Variants in CADPS observed in about 807,000 individuals in gnomAD.
The protein encoded by CADPS is calcium-dependent secretion activator 1.
CADPS carries 57 observed loss-of-function variants against 167.3 expected under a neutral mutation model. The ratio of observed to expected loss-of-function variants is 0.34; its 90% CI spans 0.28 to 0.42. The LOEUF (loss-of-function observed/expected upper bound fraction) is 0.42. Ranked by LOEUF, CADPS falls within the 20% of genes least tolerant of loss-of-function variation. The pLI, the probability that CADPS is intolerant of heterozygous loss-of-function variation, is 1.00. For synonymous variants in CADPS, 676 were observed against 635.3 expected (o/e 1.06, Z -0.96); for missense variants, 1,414 against 1,738.1 (o/e 0.81, Z 3.32).
intron 28 of CADPS, among the ~76,000 whole-genome samples, chr3:62,413,920 A>AGT (rs576600587): frequency 4.7e-4 from 72 of 152,248 alleles, no homozygotes; most frequent in South Asian, 8.3e-4. Flanking sequence ...TTGTAAGATG[A>AGT]GTGTAGTCAT....
chr3:62,647,492 C>G (rs551400152), intron 5 of CADPS, among the ~76,000 whole-genome samples: 1 of 152,274 alleles, frequency 6.6e-6, no homozygotes, highest in South Asian at 2.1e-4. Flanking sequence ...GCCATACTTT[C>G]AAAACCATTG....
At chr3:62,864,432 A>G (rs1344089423) in intron 1 of CADPS, among the ~76,000 whole-genome samples, 2 of 152,210 alleles carry the variant, frequency 1.3e-5, no homozygotes, top group Non-Finnish European at 2.9e-5. Context: ...TAGCTTGAGC[A>G]ACAGATATTG....
chr3:62,853,584 C>T (rs1348386289), intron 1 of CADPS, among the ~76,000 whole-genome samples: 1 of 146,556 alleles, frequency 6.8e-6, no homozygotes, highest in Non-Finnish European at 1.5e-5. Context: ...CGCATCGTGT[C>T]ATTGCACTCC....
At chr3:62,491,671 T>A (rs2063762337) in intron 20 of CADPS, among the ~76,000 whole-genome samples, 191 bp from the exon 21 acceptor site, 1 of 151,984 alleles carries the variant, frequency 6.6e-6, no homozygotes, top group African/African-American at 2.4e-5. Context: ...TAAAAAGCAT[T>A]GAAATGGAAT....
chr3:62,828,129 G>T (rs1231642455), intron 1 of CADPS, among the ~76,000 whole-genome samples: 2 of 152,134 alleles, frequency 1.3e-5, no homozygotes, highest in African/African-American at 4.8e-5. Flanking sequence ...GCTCTGCCCA[G>T]TCATGGTCAT....
chr3:62,796,810 A>T (rs1391798240), intron 1 of CADPS, among the ~76,000 whole-genome samples: 2 of 152,188 alleles, frequency 1.3e-5, no homozygotes, highest in East Asian at 3.8e-4. Flanking sequence ...AGAGGAAAAA[A>T]ATTGAATAAT....
chr3:62,725,557 A>ACGTC (rs2076581686), intron 3 of CADPS, among the ~76,000 whole-genome samples: 2 of 152,088 alleles, frequency 1.3e-5, no homozygotes, highest in African/African-American at 4.8e-5. Context: ...TCAACCATTG[A>ACGTC]AGCAAGAATG....
At chr3:62,632,455 C>T (rs2065464793) in intron 6 of CADPS, among the ~76,000 whole-genome samples, 1 of 152,078 alleles carries the variant, frequency 6.6e-6, no homozygotes, top group Admixed American at 6.6e-5. Flanking sequence ...ATGCATTTTT[C>T]CTCCAGACTT....
intron 3 of CADPS, among the ~76,000 whole-genome samples, chr3:62,740,807 A>G (rs1408130815): frequency 1.3e-5 from 2 of 152,146 alleles, no homozygotes; most frequent in Non-Finnish European, 2.9e-5. Flanking sequence ...TTTCTATCTG[A>G]TAGTTATTAA....
Position 62,656,398 on chromosome 3 carries a change from A to AT in CADPS, c.970-5319dup, listed in dbSNP as rs36081937. Among the ~76,000 whole-genome samples the AT allele has an allele frequency of 3.6e-4, 55 of 152,228 alleles. 1 individual carries two copies. The East Asian group carries it at 5.6e-3, about 15-fold the overall frequency. On this transcript the variant is annotated intron_variant, in intron 4 of 29. Coordinates refer to ENST00000383710, the MANE Select transcript of CADPS (RefSeq NM_003716.4). ...GATGCACATGCTTCTATTTATCCCT[A>AT]TTTTTTGGAAGAAAATGAGGCAGAA... is the stretch of plus-strand genomic sequence containing the variant.
chr3:62,836,708 C>G (rs1342840906), intron 1 of CADPS, among the ~76,000 whole-genome samples: 1 of 152,088 alleles, frequency 6.6e-6, no homozygotes, highest in Non-Finnish European at 1.5e-5. Flanking sequence ...CTGTACCATG[C>G]CTGGGAGGTG....
chr3:62,787,515 G>A (rs562391250), intron 1 of CADPS, among the ~76,000 whole-genome samples: 99 of 151,956 alleles, frequency 6.5e-4, no homozygotes, highest in African/African-American at 2.3e-3. Context: ...TCTATGACTC[G>A]CCCTTTTAAA....
intron 3 of CADPS, among the ~76,000 whole-genome samples, chr3:62,750,859 C>CCT (rs1414897280): frequency 6.6e-6 from 1 of 152,128 alleles, no homozygotes; most frequent in Non-Finnish European, 1.5e-5. Flanking sequence ...AAGAAAATTC[C>CCT]CTTGTATGGT....
At chr3:62,616,350 G>A (rs1269323265) in intron 6 of CADPS, among the ~76,000 whole-genome samples, 1 of 152,056 alleles carries the variant, frequency 6.6e-6, no homozygotes, top group Middle Eastern at 3.4e-3. Context: ...GTTATGTTTA[G>A]TGTGTTGAAA....
intron 12 of CADPS, among the ~76,000 whole-genome samples, chr3:62,535,371 T>C (rs1270754700): frequency 6.6e-6 from 1 of 151,788 alleles, no homozygotes; most frequent in Non-Finnish European, 1.5e-5. Context: ...TTATTCCACA[T>C]AATTCTGTTT....
At chr3:62,835,658 C>A (rs1001540033) in intron 1 of CADPS, among the ~76,000 whole-genome samples, 1 of 152,060 alleles carries the variant, frequency 6.6e-6, no homozygotes, top group African/African-American at 2.4e-5. Flanking sequence ...GGGGACGTGG[C>A]AAATCACAGA....
chr3:62,724,799 C>T lies in CADPS; in HGVS notation c.888+28642G>A, dbSNP rs148263189. ...CACGAAACCTTCAAAAGATAGCTTC[C>T]GAAAAAGACAAATCTGATCATACCT... On this transcript the variant is annotated intron_variant, in intron 3 of 29. Coordinates refer to ENST00000383710, the MANE Select transcript of CADPS (RefSeq NM_003716.4). Among the ~76,000 whole-genome samples the T allele has an allele frequency of 2.1e-3, 322 of 152,304 alleles. 1 individual carries two copies. Among genetic ancestry groups the T allele is most frequent in the African/African-American group, 7.4e-3 (306 of 41,572 alleles).
At chr3:62,574,539 G>A (rs2081922025) in intron 8 of CADPS, among the ~76,000 whole-genome samples, 1 of 152,092 alleles carries the variant, frequency 6.6e-6, no homozygotes, top group Non-Finnish European at 1.5e-5. Context: ...ACAGCTCTGG[G>A]GTTACATAGA....
At chr3:62,621,618 T>C (rs1440992329) in intron 6 of CADPS, among the ~76,000 whole-genome samples, 1 of 152,152 alleles carries the variant, frequency 6.6e-6, no homozygotes, top group African/African-American at 2.4e-5. Flanking sequence ...TTCAGGGGTA[T>C]ATGTTCAGGT....
Sources: allele counts gnomAD v4.1 joint callset (sites outside exome capture counted in the v4.1 genomes callset), GRCh38; gene constraint gnomAD v4.1.1; transcripts MANE v1.5; gene names NCBI Gene and HGNC (gene_info 2026-07-23, HGNC 2026-07-21).